The following PPM1E variants were observed in gnomAD, a reference collection of about 807,000 sequenced individuals.
The protein encoded by PPM1E is protein phosphatase 1E.
A neutral mutation model predicts 65.9 loss-of-function variants in PPM1E; 20 were observed. The observed-to-expected ratio is 0.30, with a 90% CI of 0.21 to 0.44. PPM1E has a LOEUF of 0.44. Among genes scored for constraint, PPM1E ranks in the 20% least tolerant of loss-of-function variants. The pLI is 1.00. For synonymous variants in PPM1E, 352 were observed against 374.9 expected, an observed-to-expected ratio of 0.94 and a Z score of 0.70; for missense variants, 713 against 953.1, an observed-to-expected ratio of 0.75 and a Z score of 3.32.
Position 58,928,825 on chromosome 17 carries a change from C to T in PPM1E, c.465-26824C>T, listed in dbSNP as rs556925479. 1.7e-4 allele frequency among the ~76,000 whole-genome samples: 26 copies of T among 151,872 alleles called. 1 individual carries two copies. In the South Asian group the frequency reaches 5.2e-3, roughly 30 times the overall value. ...TCAAGTGATTCTCCTGCCTCAGCCT[C>T]CTGAGTAGCTGGGATTAAAGGCGCC... On this transcript the variant is annotated intron_variant, in intron 1 of 6. Coordinates refer to ENST00000308249, the MANE Select transcript of PPM1E (RefSeq NM_014906.5).
At chr17:58,809,599 G>T (rs1027192715) in intron 1 of PPM1E, among the ~76,000 whole-genome samples, 1 of 152,000 alleles carries the variant, frequency 6.6e-6, no homozygotes, top group Admixed American at 6.6e-5. Flanking sequence ...TCCCAGACTG[G>T]TCTCAAACTC....
chr17:58,984,147 C>A lies in PPM1E; in HGVS notation c.*3116C>A, dbSNP rs1002717729. 1 of 152,640 alleles carries A rather than the reference C, an allele frequency of 6.6e-6. No homozygotes were observed. The highest frequency in any genetic ancestry group is 2.4e-5 in the African/African-American group (1 of 41,436). 9.5% of individuals were successfully genotyped at this position (152,640 alleles called of 1,614,324 possible). ...CCTTGAATTATTATGATTAAAGTTACTGTTGCATTTAGGAGGCTCCTTGAA... is the reference window on the plus strand; with the variant it reads ...CCTTGAATTATTATGATTAAAGTTAATGTTGCATTTAGGAGGCTCCTTGAA... On this transcript the variant is annotated 3_prime_UTR_variant, in exon 7 of 7. Coordinates refer to ENST00000308249, the MANE Select transcript of PPM1E (RefSeq NM_014906.5).
chr17:58,975,016 T>A (rs1380738692), intron 6 of PPM1E, among the ~76,000 whole-genome samples: 1 of 152,202 alleles, frequency 6.6e-6, no homozygotes, highest in Non-Finnish European at 1.5e-5. Flanking sequence ...ATGGAATTAT[T>A]ATTATTATTA....
At chr17:58,974,990 T>C (rs2030903669) in intron 6 of PPM1E, among the ~76,000 whole-genome samples, 1 of 152,236 alleles carries the variant, frequency 6.6e-6, no homozygotes, top group Non-Finnish European at 1.5e-5. Flanking sequence ...GTCTCATTTC[T>C]AAAATATACC....
intron 2 of PPM1E, among the ~76,000 whole-genome samples, chr17:58,960,283 C>T (rs533085787): frequency 6.6e-6 from 1 of 152,244 alleles, no homozygotes; most frequent in African/African-American, 2.4e-5. Context: ...TAGATTTTCT[C>T]AGTTGTTTTT....
chr17:58,778,794 G>A (rs2050021059), intron 1 of PPM1E, among the ~76,000 whole-genome samples: 1 of 151,534 alleles, frequency 6.6e-6, no homozygotes, highest in South Asian at 2.1e-4. Context: ...GCTCATTATA[G>A]GAATTTTTGA....
intron 1 of PPM1E, among the ~76,000 whole-genome samples, chr17:58,941,994 A>G (rs995216720): frequency 2.0e-5 from 3 of 148,956 alleles, no homozygotes; most frequent in Non-Finnish European, 4.4e-5. Context: ...GACAAGACCG[A>G]GACTTCGTCT....
chr17:58,890,535 G>T (rs1488983028), intron 1 of PPM1E, among the ~76,000 whole-genome samples: 1 of 152,172 alleles, frequency 6.6e-6, no homozygotes, highest in Non-Finnish European at 1.5e-5. Flanking sequence ...GACTGTGAAA[G>T]TATTGACTTA....
chr17:58,790,318 C>G (rs1046811772), intron 1 of PPM1E, among the ~76,000 whole-genome samples: 1 of 152,028 alleles, frequency 6.6e-6, no homozygotes. Flanking sequence ...CCCACTGTGG[C>G]CTTTCAAAAC....
At chr17:58,796,380 GA>G (rs2050206217) in intron 1 of PPM1E, among the ~76,000 whole-genome samples, 1 of 151,916 alleles carries the variant, frequency 6.6e-6, no homozygotes, top group Non-Finnish European at 1.5e-5. Context: ...TATTTATTTA[GA>G]GACAGGGGCT....
At chr17:58,943,791 A>T (rs1482792821) in intron 1 of PPM1E, among the ~76,000 whole-genome samples, 5 of 152,168 alleles carry the variant, frequency 3.3e-5, no homozygotes, top group African/African-American at 1.2e-4. Flanking sequence ...TTTGAAAATG[A>T]ATCTTGCCTC....
chr17:58,756,393 A>G lies in PPM1E; in HGVS notation c.396A>G (p.Ser132=). The G allele has an allele frequency of 7.3e-7, 1 of 1,365,610 alleles. No individual in the cohort carries two copies. Among genetic ancestry groups the G allele is most frequent in the African/African-American group, 1.5e-5 (1 of 65,228 alleles). 84.6% of individuals were successfully genotyped at this position (1,365,610 alleles called of 1,614,324 possible). ...PPLPPLPRPL[S]ERITREEVEG... Reference sequence around the variant, plus strand: ...TGCCCCCGCTCCCGCGACCGCTGTCAGAGCGCATCACCCGCGAGGAGGTGG... The same window carrying G: ...TGCCCCCGCTCCCGCGACCGCTGTCGGAGCGCATCACCCGCGAGGAGGTGG... The change falls in exon 1 of 7, where the codon TCA becomes TCG. Residue 132 remains serine, a synonymous_variant. Coordinates refer to ENST00000308249, the MANE Select transcript of PPM1E (RefSeq NM_014906.5).
chr17:58,899,486 C>T (rs1282743251), intron 1 of PPM1E: 4 of 230,746 alleles, frequency 1.7e-5, no homozygotes, highest in South Asian at 6.9e-5. Flanking sequence ...GTGTATGTCA[C>T]GTTGGTGGAG....
chr17:58,918,805 C>CAAA (rs71143301), intron 1 of PPM1E, among the ~76,000 whole-genome samples: 30 of 75,802 alleles, frequency 4.0e-4, no homozygotes, highest in African/African-American at 5.5e-4. Context: ...GACTCCGTCT[C>CAAA]AAAAAAAAAA....
chr17:58,869,630 T>A (rs1250172784), intron 1 of PPM1E, among the ~76,000 whole-genome samples: 1 of 152,200 alleles, frequency 6.6e-6, no homozygotes, highest in Non-Finnish European at 1.5e-5. Context: ...TCTTCAGAAT[T>A]GTGAACCAAA....
intron 1 of PPM1E, among the ~76,000 whole-genome samples, chr17:58,888,488 C>T (rs1042721632): frequency 6.6e-6 from 1 of 151,458 alleles, no homozygotes; most frequent in Non-Finnish European, 1.5e-5. Context: ...CTCAGCCTCC[C>T]GAGTAGCTGG....
chr17:58,887,132 G>T (rs1306931294), intron 1 of PPM1E, among the ~76,000 whole-genome samples: 4 of 149,168 alleles, frequency 2.7e-5, no homozygotes, highest in Non-Finnish European at 4.4e-5. Context: ...TAGGTTTATT[G>T]ACCTCATACC....
chr17:58,931,470 G>T (rs1434776299), intron 1 of PPM1E, among the ~76,000 whole-genome samples: 1 of 151,958 alleles, frequency 6.6e-6, no homozygotes, highest in African/African-American at 2.4e-5. Flanking sequence ...AAGAAAGGAA[G>T]TCAGGTAGAC....
intron 1 of PPM1E, among the ~76,000 whole-genome samples, chr17:58,821,552 T>C (rs1479468492): frequency 2.0e-5 from 3 of 152,162 alleles, no homozygotes; most frequent in Non-Finnish European, 4.4e-5. Context: ...TAATGACACA[T>C]TCTTTGGTAT....
Sources: gnomAD v4.1 joint callset for allele counts (sites outside exome capture counted in the v4.1 genomes callset) on GRCh38, gnomAD v4.1.1 for gene constraint, MANE v1.5 for transcripts, NCBI Gene and HGNC (gene_info 2026-07-23, HGNC 2026-07-21) for gene names.